Variants in MMAA observed in about 807,000 individuals in gnomAD.
MMAA encodes the protein metabolism of cobalamin associated A.
In MMAA, 41 loss-of-function variants were observed where a neutral mutation model predicts 45.0. The observed-to-expected ratio is 0.91, with a 90% CI of 0.71 to 1.18. The LOEUF (loss-of-function observed/expected upper bound fraction) is 1.18. Ranked by LOEUF, MMAA falls within the 50% of genes most tolerant of loss-of-function variation. The pLI is 0.00. For missense variants in MMAA, 460 were observed against 495.7 expected (o/e 0.93, Z 0.68); for synonymous variants, 154 against 178.2 (o/e 0.86, Z 1.08).
rs1282901331 is a variant in MMAA, at chr4:145,639,212, C to G, written c.73C>G (p.His25Asp). ...GLLRAPFRCY[H>D]FIFHSSTHLG... ...TTTAAGAGCACCTTTCCGATGTTAC[C>G]ACTTCATCTTTCACTCAAGTACTCA... The change falls in exon 2 of 7, where the codon CAC (histidine) becomes GAC (aspartate). Residue 25 changes from histidine (H) to aspartate (D), a missense_variant. Transcript: ENST00000649156. The G allele has an allele frequency of 6.2e-7, 1 of 1,614,076 alleles. No individual in the cohort carries two copies. Among genetic ancestry groups the G allele is most frequent in the South Asian group, 1.1e-5 (1 of 91,068 alleles).
intron 1 of MMAA, among the ~76,000 whole-genome samples, chr4:145,620,381 A>G (rs1014701531): frequency 3.9e-5 from 6 of 152,242 alleles, no homozygotes; most frequent in Non-Finnish European, 5.9e-5. Context: ...TTTAGAATGG[A>G]AAGAGCTGGT....
intron 5 of MMAA, 70 bp downstream of exon 5, chr4:145,651,217 G>A: frequency 1.5e-6 from 2 of 1,352,150 alleles, no homozygotes; most frequent in Non-Finnish European, 1.0e-6. Flanking sequence ...TTCCAATGTT[G>A]TGTTTTTGTA....
chr4:145,640,691 T>G (rs1022798038), intron 2 of MMAA, among the ~76,000 whole-genome samples: 3 of 152,230 alleles, frequency 2.0e-5, no homozygotes, highest in Admixed American at 6.5e-5. Context: ...TCATATTTAT[T>G]TATTGTCTGT....
At position 145,645,371 on chromosome 4, in the gene MMAA, A is replaced by C. The variant is rs1727898927; in HGVS notation, c.563-615A>C. On this transcript the variant is annotated intron_variant, in intron 3 of 6. Coordinates refer to ENST00000649156, the MANE Select transcript of MMAA (RefSeq NM_172250.3). ...AGCAAGGACTTTTACTGATCTTTAT[A>C]AGGTGGATAAGTTCTGTGTTTTTGT... is the stretch of plus-strand genomic sequence containing the variant. Among the ~76,000 whole-genome samples, 4 of 152,196 alleles carry C rather than the reference A, an allele frequency of 2.6e-5. No homozygotes were observed. In the South Asian group the frequency reaches 8.3e-4, roughly 31 times the overall value.
At chr4:145,653,575 T>A (rs1293212233) in intron 5 of MMAA, among the ~76,000 whole-genome samples, 2 of 152,144 alleles carry the variant, frequency 1.3e-5, no homozygotes, top group Non-Finnish European at 2.9e-5. Context: ...TTAAGGAAAA[T>A]TTCAAAGACT....
chr4:145,631,935 C>T (rs1384709076), intron 1 of MMAA, among the ~76,000 whole-genome samples: 3 of 152,114 alleles, frequency 2.0e-5, no homozygotes, highest in Non-Finnish European at 2.9e-5. Context: ...TCTGCCTTAC[C>T]GTGATCCCTG....
At position 145,639,204 on chromosome 4, in the gene MMAA, G is replaced by T. The variant is rs375682603; in HGVS notation, c.65G>T (p.Arg22Leu). 5.6e-6 allele frequency: 9 copies of T among 1,614,066 alleles called. No homozygotes were observed. In the East Asian group the frequency reaches 1.8e-4, roughly 32 times the overall value. The stretch of plus-strand genomic sequence containing the variant: ...AAAGGCCTTTTAAGAGCACCTTTCC[G>T]ATGTTACCACTTCATCTTTCACTCA... ...FLKGLLRAPF[R>L]CYHFIFHSST... Residue 22 changes from arginine (R) to leucine (L), a missense_variant, in exon 2 of 7, where the codon CGA becomes CTA. Arg to Leu is a moderately radical substitution (Grantham distance 102). Coordinates refer to ENST00000649156, the MANE Select transcript of MMAA (RefSeq NM_172250.3).
chr4:145,630,006 A>G (rs1395714977), intron 1 of MMAA, among the ~76,000 whole-genome samples: 5 of 152,158 alleles, frequency 3.3e-5, no homozygotes, highest in Non-Finnish European at 7.3e-5. Context: ...GTATCAGAGT[A>G]ATACTGGCCT....
In MMAA at chr4:145,626,042, C is replaced by T. The variant is rs1446441595; in HGVS notation, c.-66+6635C>T. The T allele has an allele frequency of 4.0e-6, 5 of 1,234,816 alleles. No individual in the cohort carries two copies. The East Asian group carries it at 1.2e-4, about 29-fold the overall frequency. The allele number at this position is 1,234,816 out of a possible 1,614,324, so 76.5% of individuals were successfully genotyped here. A position where few individuals can be genotyped will look rare whatever the true frequency, so the allele number is the denominator to read the frequency against. ...GGTCTTGGAAGGTATTCATTCTGCT[C>T]ACAGCTCCAGGTCCCAGTGCCTCTC... On this transcript the variant is annotated intron_variant, in intron 1 of 6. Transcript: ENST00000649156.
rs983934305 is a variant in MMAA, at chr4:145,658,541, C to T, written c.*3107C>T. 1.3e-5 allele frequency: 2 copies of T among 152,042 alleles called. No individual in the cohort carries two copies. Among genetic ancestry groups the T allele is most frequent in the African/African-American group, 4.8e-5 (2 of 41,392 alleles). 9.4% of individuals were successfully genotyped at this position (152,042 alleles called of 1,614,324 possible). A position where few individuals can be genotyped will look rare whatever the true frequency, so the allele number is the denominator to read the frequency against. Reference sequence around the variant, plus strand: ...TTTCAATAGTTGACAGTAGCTATCCCAATACAACCTAACAAGGCATTTTCT... The same window carrying T: ...TTTCAATAGTTGACAGTAGCTATCCTAATACAACCTAACAAGGCATTTTCT... On this transcript the variant is annotated 3_prime_UTR_variant, in exon 7 of 7. Coordinates refer to ENST00000649156, the MANE Select transcript of MMAA (RefSeq NM_172250.3).
At chr4:145,621,314 A>T (rs752264003) in intron 1 of MMAA, among the ~76,000 whole-genome samples, 1 of 152,208 alleles carries the variant, frequency 6.6e-6, no homozygotes, top group Non-Finnish European at 1.5e-5. Context: ...AAAACATTTA[A>T]TGGTGATGGA....
In MMAA at chr4:145,629,951, A is replaced by G. The variant is rs1179110741; in HGVS notation, c.-65-9124A>G. Among the ~76,000 whole-genome samples, 4 of 152,132 alleles carry G rather than the reference A, an allele frequency of 2.6e-5. 1 individual carries two copies. The highest frequency in any genetic ancestry group is 5.9e-5 in the Non-Finnish European group (4 of 68,014). ...TTGGGTGGGGACACAGAGCCACACC[A>G]TATCAAGCCTCTAGGTATTTTTTTT... On this transcript the variant is annotated intron_variant, in intron 1 of 6. Transcript: ENST00000649156.
At position 145,625,145 on chromosome 4, in the gene MMAA, T is replaced by G. The variant is rs1734175559; in HGVS notation, c.-66+5738T>G. 38 of 1,287,224 alleles carry G rather than the reference T, an allele frequency of 3.0e-5. 1 individual carries two copies. In the South Asian group the frequency reaches 3.8e-4, roughly 13 times the overall value. 79.7% of individuals were successfully genotyped at this position (1,287,224 alleles called of 1,614,324 possible). A position where few individuals can be genotyped will look rare whatever the true frequency, so the allele number is the denominator to read the frequency against. On this transcript the variant is annotated intron_variant, in intron 1 of 6. Transcript: ENST00000649156. ...GTTCATCTCATCTCGATCAGGAAGC[T>G]CTAGATCTTCAACCTTTTCCATTTC...
At position 145,659,779 on chromosome 4, in the gene MMAA, A is replaced by C. The variant is rs141377495; in HGVS notation, c.*4345A>C. On this transcript the variant is annotated 3_prime_UTR_variant, in exon 7 of 7. Transcript: ENST00000649156. Reference sequence around the variant, plus strand: ...AATCGGAGTACTTAGCATATCTATCATCTCGTGCATTTATCATTTCTTTGT... The same window carrying C: ...AATCGGAGTACTTAGCATATCTATCCTCTCGTGCATTTATCATTTCTTTGT... The C allele has an allele frequency of 2.0e-5, 3 of 152,318 alleles. No individual in the cohort carries two copies. Among genetic ancestry groups the C allele is most frequent in the Non-Finnish European group, 4.4e-5 (3 of 68,030 alleles). 9.4% of individuals were successfully genotyped at this position (152,318 alleles called of 1,614,324 possible). A position where few individuals can be genotyped will look rare whatever the true frequency, so the allele number is the denominator to read the frequency against.
intron 5 of MMAA, among the ~76,000 whole-genome samples, chr4:145,653,726 A>C (rs1728155890): frequency 6.6e-6 from 1 of 152,210 alleles, no homozygotes; most frequent in South Asian, 2.1e-4. Flanking sequence ...CCACTCAATC[A>C]TGTTGTGACT....
At chr4:145,638,545 G>A (rs930858561) in intron 1 of MMAA, among the ~76,000 whole-genome samples, 25 of 152,150 alleles carry the variant, frequency 1.6e-4, no homozygotes, top group African/African-American at 6.0e-4. Context: ...TTTAAGTTAG[G>A]CTACTCTTTG....
chr4:145,620,553 C>A (rs921622219), intron 1 of MMAA, among the ~76,000 whole-genome samples: 36 of 152,172 alleles, frequency 2.4e-4, no homozygotes, highest in African/African-American at 8.4e-4. Context: ...TTAACACACA[C>A]CTTCTGTGGG....
rs1311110494 is a variant in MMAA at position 145,655,294 on chromosome 4, G to A, written c.1117G>A (p.Glu373Lys). The A allele has an allele frequency of 2.5e-6, 4 of 1,614,052 alleles. No homozygotes were observed. The highest frequency in any genetic ancestry group is 2.2e-5 in the East Asian group (1 of 44,890). Residue 373 changes from glutamate (E) to lysine (K), a missense_variant, in exon 7 of 7, where the codon GAA (glutamate) becomes AAA (lysine). Transcript: ENST00000649156. ...QKVWMWNLIQ[E>K]SVLEHFRTHP... ...AGTTTGGATGTGGAATCTCATTCAG[G>A]AAAGTGTGTTAGAGCATTTCAGGAC...
chr4:145,649,346 G>T (rs1728028270), intron 4 of MMAA, among the ~76,000 whole-genome samples: 1 of 152,110 alleles, frequency 6.6e-6, no homozygotes, highest in Non-Finnish European at 1.5e-5. Flanking sequence ...AGCAGGTATG[G>T]TGCTTTGACA....
Sources: gnomAD v4.1 joint callset for allele counts (sites outside exome capture counted in the v4.1 genomes callset) on GRCh38, gnomAD v4.1.1 for gene constraint, MANE v1.5 for transcripts, NCBI Gene and HGNC (gene_info 2026-07-23, HGNC 2026-07-21) for gene names.